The following LRBA variants were observed in gnomAD, a reference collection of about 807,000 sequenced individuals.
LRBA encodes the protein LPS responsive beige-like anchor protein.
LRBA carries 176 observed loss-of-function variants against 330.0 expected under a neutral mutation model. That is an observed-to-expected ratio of 0.53 (90% confidence interval 0.47 to 0.60). The LOEUF (loss-of-function observed/expected upper bound fraction) is 0.60, where lower values mean the gene tolerates loss of function less well. LRBA is among the 20% of genes least tolerant of loss of function. The pLI is 0.00. For synonymous variants in LRBA, 1,230 were observed against 1,193.0 expected (o/e 1.03, Z -0.64); for missense variants, 3,259 against 3,444.8 (o/e 0.95, Z 1.35).
rs150464930 is a variant in LRBA, at chr4:151,000,061, T to C, written c.216+14366A>G. Among the ~76,000 whole-genome samples, 4 of 152,318 alleles carry C rather than the reference T, an allele frequency of 2.6e-5. No individual in the cohort carries two copies. In the East Asian group the frequency reaches 5.8e-4, roughly 22 times the overall value. ...AGAGATTAACAACAATAACTAGTAATAAAATAGAACAGTTAGAACAATACA... is the reference window on the plus strand; with the variant it reads ...AGAGATTAACAACAATAACTAGTAACAAAATAGAACAGTTAGAACAATACA... On this transcript the variant is annotated intron_variant, in intron 2 of 56. Transcript: ENST00000651943.
chr4:150,678,896 T>C (rs1782807906), intron 37 of LRBA, among the ~76,000 whole-genome samples: 1 of 151,824 alleles, frequency 6.6e-6, no homozygotes, highest in Non-Finnish European at 1.5e-5. Context: ...CCACATAGCG[T>C]AACGGAATCA....
intron 37 of LRBA, among the ~76,000 whole-genome samples, chr4:150,619,485 C>G (rs1437408153): frequency 6.6e-6 from 1 of 152,100 alleles, no homozygotes; most frequent in Admixed American, 6.6e-5. Context: ...AAACACTTTT[C>G]CTAACAGTAA....
chr4:150,614,508 A>T (rs567236824), intron 37 of LRBA, among the ~76,000 whole-genome samples: 22 of 152,230 alleles, frequency 1.4e-4, no homozygotes, highest in Non-Finnish European at 2.8e-4. Flanking sequence ...ACTTGCCTAA[A>T]ATTGTCTATG....
At chr4:150,999,776 G>A (rs529374039) in intron 2 of LRBA, among the ~76,000 whole-genome samples, 12 of 151,594 alleles carry the variant, frequency 7.9e-5, no homozygotes, top group Non-Finnish European at 1.6e-4. Context: ...TAATCCATAC[G>A]TTCTGGTAAT....
chr4:150,380,360 C>T (rs1012311533), intron 47 of LRBA, among the ~76,000 whole-genome samples: 2 of 152,138 alleles, frequency 1.3e-5, no homozygotes, highest in African/African-American at 4.8e-5. Context: ...TCTTTCCCCA[C>T]TATCATTTTC....
rs1274339178 is a variant in LRBA, at chr4:150,706,678, AAG to A, written c.5755-22963_5755-22962del. ...ACAAACAAACAAATTGGTAAAAAGA[AAG>A]AAAAAATTCTAACATATATCACAGA... On this transcript the variant is annotated intron_variant, in intron 36 of 56. Coordinates refer to ENST00000651943, the MANE Select transcript of LRBA (RefSeq NM_001364905.1). 5.6e-3 allele frequency among the ~76,000 whole-genome samples: 853 copies of A among 151,790 alleles called. 5 individuals carry two copies. Among genetic ancestry groups the A allele is most frequent in the African/African-American group, 0.019 (801 of 41,524 alleles).
chr4:150,490,826 T>C, intron 41 of LRBA, 92 bp downstream of exon 41: 1 of 613,968 alleles, frequency 1.6e-6, no homozygotes, highest in Non-Finnish European at 2.7e-6. Flanking sequence ...TACAAATAAC[T>C]ATCTAAATTG....
chr4:150,427,381 G>A (rs910984219), intron 46 of LRBA, among the ~76,000 whole-genome samples: 2 of 151,964 alleles, frequency 1.3e-5, no homozygotes, highest in African/African-American at 2.4e-5. Flanking sequence ...GTAGACACGA[G>A]TACAAACTTC....
intron 35 of LRBA, among the ~76,000 whole-genome samples, chr4:150,754,992 T>C (rs1022290494): frequency 2.6e-5 from 4 of 152,202 alleles, no homozygotes; most frequent in Admixed American, 1.3e-4. Flanking sequence ...TATCAAAGGA[T>C]AACCCAGATC....
At chr4:151,001,481 T>C (rs1057487666) in intron 2 of LRBA, among the ~76,000 whole-genome samples, 4 of 152,098 alleles carry the variant, frequency 2.6e-5, no homozygotes, top group African/African-American at 9.7e-5. Context: ...GCCTGGGGAT[T>C]GTCTCCCTCA....
Position 150,508,247 on chromosome 4 carries a change from G to T in LRBA, c.6331-17212C>A, listed in dbSNP as rs959597232. Among the ~76,000 whole-genome samples, 7 of 137,100 alleles carry T rather than the reference G, an allele frequency of 5.1e-5. 1 individual carries two copies. The highest frequency in any genetic ancestry group is 3.8e-4 in the Admixed American group (5 of 13,162). 89.9% of individuals were successfully genotyped at this position (137,100 alleles called of 152,430 possible). ...AATAAAATTTAAAAAAAAAGGGGGG[G>T]GGGGGGAGAAAAAGACATCACATGA... On this transcript the variant is annotated intron_variant, in intron 40 of 56. Transcript: ENST00000651943.
chr4:150,833,445 G>T (rs1747506171), intron 28 of LRBA, among the ~76,000 whole-genome samples: 1 of 152,090 alleles, frequency 6.6e-6, no homozygotes, highest in Admixed American at 6.6e-5. Flanking sequence ...ATACCATGGA[G>T]ATACCACAGG....
intron 55 of LRBA, 103 bp from the exon 56 acceptor site, chr4:150,278,107 GAA>G (rs1747042950): frequency 2.1e-6 from 2 of 937,532 alleles, no homozygotes; most frequent in Non-Finnish European, 1.6e-6. Flanking sequence ...GGTGCAGAGA[GAA>G]GAGAGAGAGA....
At chr4:150,644,443 T>C (rs992269630) in intron 37 of LRBA, among the ~76,000 whole-genome samples, 2 of 151,968 alleles carry the variant, frequency 1.3e-5, no homozygotes, top group African/African-American at 4.8e-5. Context: ...GGTAAGTTAA[T>C]TAAACTGAGT....
At chr4:150,370,738 T>A (rs1246053896) in intron 47 of LRBA, among the ~76,000 whole-genome samples, 1 of 152,212 alleles carries the variant, frequency 6.6e-6, no homozygotes, top group African/African-American at 2.4e-5. Context: ...TGCAAGATGT[T>A]AATAATATGG....
intron 44 of LRBA, among the ~76,000 whole-genome samples, chr4:150,437,521 T>A (rs1360123237): frequency 3.2e-5 from 3 of 92,520 alleles, no homozygotes; most frequent in East Asian, 3.4e-4. Flanking sequence ...ATATATATAT[T>A]ATAAAATTAA....
intron 2 of LRBA, among the ~76,000 whole-genome samples, chr4:150,955,625 C>T (rs1255256931): frequency 6.7e-6 from 1 of 148,382 alleles, no homozygotes; most frequent in African/African-American, 2.6e-5. Context: ...GGCGCCGTGG[C>T]TCACACCTGT....
At chr4:150,544,150 CAG>C (rs2152231086) in intron 40 of LRBA, among the ~76,000 whole-genome samples, 1 of 150,942 alleles carries the variant, frequency 6.6e-6, no homozygotes, top group East Asian at 2.0e-4. Flanking sequence ...TCTTTCAAGA[CAG>C]AGTCTCAATC....
intron 47 of LRBA, among the ~76,000 whole-genome samples, chr4:150,386,443 G>T (rs1209207168): frequency 8.4e-6 from 1 of 119,632 alleles, no homozygotes; most frequent in Non-Finnish European, 1.6e-5. Context: ...AGAGGCCCCA[G>T]TGTGTGTTGT....
Sources: gnomAD v4.1 joint callset for allele counts (sites outside exome capture counted in the v4.1 genomes callset) on GRCh38, gnomAD v4.1.1 for gene constraint, MANE v1.5 for transcripts, NCBI Gene and HGNC (gene_info 2026-07-23, HGNC 2026-07-21) for gene names.